OLFM3: variants seen among roughly 807,000 people sequenced by gnomAD.
OLFM3 encodes the protein olfactomedin 3, also known as noelin-3.
In OLFM3, 20 loss-of-function variants were observed where a neutral mutation model predicts 48.6. The observed-to-expected ratio is 0.41, with a 90% CI of 0.29 to 0.60. OLFM3 has a LOEUF of 0.60. Ranked by LOEUF, OLFM3 falls within the 20% of genes least tolerant of loss-of-function variation. The pLI is 0.28. For missense variants in OLFM3, 437 were observed against 544.3 expected, an observed-to-expected ratio of 0.80 and a Z score of 1.96; for synonymous variants, 222 against 198.1, an observed-to-expected ratio of 1.12 and a Z score of -1.01.
intron 1 of OLFM3, among the ~76,000 whole-genome samples, chr1:101,855,125 A>C (rs934614694): frequency 4.6e-5 from 7 of 152,078 alleles, no homozygotes; most frequent in African/African-American, 1.7e-4. Flanking sequence ...TGGTTTGTTC[A>C]TATGGATTGA....
chr1:101,955,612 C>G (rs545444677), intron 1 of OLFM3, among the ~76,000 whole-genome samples: 29 of 152,018 alleles, frequency 1.9e-4, no homozygotes, highest in African/African-American at 6.7e-4. Context: ...TCTCATCTCT[C>G]TGGCATTAGT....
At chr1:101,832,903 T>C (rs963099985) in intron 2 of OLFM3, among the ~76,000 whole-genome samples, 4 of 152,258 alleles carry the variant, frequency 2.6e-5, no homozygotes, top group African/African-American at 9.6e-5. Context: ...GGAAGCATGG[T>C]AACGCCATTG....
intron 3 of OLFM3, among the ~76,000 whole-genome samples, chr1:101,826,725 A>AT (rs1409840948): frequency 6.6e-6 from 1 of 152,162 alleles, no homozygotes; most frequent in Non-Finnish European, 1.5e-5. Flanking sequence ...TGCTTTGCTC[A>AT]TTTTGTCAGC....
chr1:101,943,941 C>T (rs1040189433), intron 1 of OLFM3, among the ~76,000 whole-genome samples: 2 of 151,654 alleles, frequency 1.3e-5, no homozygotes, highest in African/African-American at 4.8e-5. Context: ...ATGTTTGCTT[C>T]TTGCAACATT....
chr1:101,886,525 A>G (rs1311635878), intron 1 of OLFM3, among the ~76,000 whole-genome samples: 1 of 152,214 alleles, frequency 6.6e-6, no homozygotes, highest in East Asian at 1.9e-4. Flanking sequence ...TGGAGGGGGA[A>G]GAATCAGGAT....
In OLFM3 at chr1:101,828,903, T is replaced by C. The variant is rs577568212; in HGVS notation, c.372+1769A>G. Among the ~76,000 whole-genome samples the C allele has an allele frequency of 2.0e-5, 3 of 152,324 alleles. No individual in the cohort carries two copies. The South Asian group carries it at 6.2e-4, about 32-fold the overall frequency. On this transcript the variant is annotated intron_variant, in intron 3 of 5. Coordinates refer to ENST00000370103, the MANE Select transcript of OLFM3 (RefSeq NM_058170.4). Reference sequence around the variant, plus strand: ...CACTCTAACCCTGAGAATTGAAAATTGACATAGTAAATCTTTTGGTTTTCT... The same window carrying C: ...CACTCTAACCCTGAGAATTGAAAATCGACATAGTAAATCTTTTGGTTTTCT...
chr1:101,953,494 T>C (rs1660205193), intron 1 of OLFM3, among the ~76,000 whole-genome samples: 1 of 152,178 alleles, frequency 6.6e-6, no homozygotes, highest in African/African-American at 2.4e-5. Flanking sequence ...CACTAGATGT[T>C]GTTTTCTCTT....
At chr1:101,899,850 C>G (rs1658333146) in intron 1 of OLFM3, among the ~76,000 whole-genome samples, 2 of 152,042 alleles carry the variant, frequency 1.3e-5, no homozygotes, top group Admixed American at 6.6e-5. Context: ...ACATTTAACA[C>G]ATAAGTTACT....
intron 1 of OLFM3, among the ~76,000 whole-genome samples, chr1:101,949,406 CA>C (rs1215436107): frequency 1.3e-5 from 2 of 152,140 alleles, no homozygotes; most frequent in African/African-American, 4.8e-5. Context: ...TGAGGTTTCT[CA>C]AAATTGTCTC....
At chr1:101,994,929 A>G (rs891936294) in intron 1 of OLFM3, among the ~76,000 whole-genome samples, 1 of 152,080 alleles carries the variant, frequency 6.6e-6, no homozygotes, top group African/African-American at 2.4e-5. Context: ...AGCATTGAAT[A>G]CACACAAATA....
chr1:101,975,934 C>T (rs118040226), intron 1 of OLFM3, among the ~76,000 whole-genome samples: 30 of 151,898 alleles, frequency 2.0e-4, no homozygotes, highest in South Asian at 1.0e-3. Flanking sequence ...AAGAAAGAAA[C>T]GATGGAAGAA....
At chr1:101,996,625 A>C (rs1013006213) in intron 1 of OLFM3, 123 bp downstream of exon 1, 26 of 941,304 alleles carry the variant, frequency 2.8e-5, no homozygotes, top group Non-Finnish European at 4.3e-5. Flanking sequence ...GATACGCCAG[A>C]CACCATAAGG....
At chr1:101,958,835 TTATA>T (rs10571792) in intron 1 of OLFM3, among the ~76,000 whole-genome samples, 70,974 of 146,284 alleles carry the variant, frequency 0.49, 17,360 homozygotes, top group East Asian at 0.72. Flanking sequence ...CAAAGTGATA[TTATA>T]TATATATATA....
intron 1 of OLFM3, among the ~76,000 whole-genome samples, chr1:101,977,381 C>T (rs1018638942): frequency 6.6e-6 from 1 of 152,122 alleles, no homozygotes; most frequent in Non-Finnish European, 1.5e-5. Context: ...TCAGTACTAA[C>T]TGTGATTATG....
intron 1 of OLFM3, among the ~76,000 whole-genome samples, chr1:101,869,974 G>T (rs1227054461): frequency 1.3e-5 from 2 of 152,108 alleles, no homozygotes; most frequent in African/African-American, 4.8e-5. Context: ...CTTTATGGCA[G>T]CATGAGAACA....
At chr1:101,826,709 T>C (rs1479919798) in intron 3 of OLFM3, among the ~76,000 whole-genome samples, 2 of 152,220 alleles carry the variant, frequency 1.3e-5, no homozygotes, top group Non-Finnish European at 2.9e-5. Flanking sequence ...AAAGGCAGAA[T>C]TGCAGTGCTT....
Position 101,945,607 on chromosome 1 carries a change from T to A in OLFM3, c.69+51141A>T, listed in dbSNP as rs538725776. Among the ~76,000 whole-genome samples the A allele has an allele frequency of 1.6e-3, 239 of 152,198 alleles. 3 individuals carry two copies. The highest frequency in any genetic ancestry group is 5.5e-3 in the African/African-American group (230 of 41,526). ...TTATGAGTTAATACATATGTTGAAA[T>A]TTATAAAACATAAAACTGTACACTT... On this transcript the variant is annotated intron_variant, in intron 1 of 5. Transcript: ENST00000370103.
chr1:101,966,208 C>A (rs925867894), intron 1 of OLFM3, among the ~76,000 whole-genome samples: 9 of 151,892 alleles, frequency 5.9e-5, no homozygotes, highest in African/African-American at 2.2e-4. Context: ...GGGTCTTGCC[C>A]TGCTGAAGTG....
chr1:101,938,030 A>G (rs1359851167), intron 1 of OLFM3, among the ~76,000 whole-genome samples: 2 of 152,190 alleles, frequency 1.3e-5, no homozygotes, highest in African/African-American at 4.8e-5. Context: ...CTCAATAAAT[A>G]TTTATTGCAT....
Sources: allele counts gnomAD v4.1 joint callset (sites outside exome capture counted in the v4.1 genomes callset), GRCh38; gene constraint gnomAD v4.1.1; transcripts MANE v1.5; gene names NCBI Gene and HGNC (gene_info 2026-07-23, HGNC 2026-07-21).